TUBGCP3: variants seen among roughly 807,000 people sequenced by gnomAD.
TUBGCP3 encodes gamma-tubulin complex component 3.
Under a neutral mutation model 123.1 loss-of-function variants are expected in TUBGCP3, and 50 were observed. The observed-to-expected ratio is 0.41, with a 90% CI of 0.32 to 0.51. TUBGCP3 has a LOEUF of 0.51. Ranked by LOEUF, TUBGCP3 falls within the 20% of genes least tolerant of loss-of-function variation. The pLI is 0.36. For synonymous variants in TUBGCP3, 405 were observed against 413.9 expected, an observed-to-expected ratio of 0.98 and a Z score of 0.26; for missense variants, 882 against 1,127.0, an observed-to-expected ratio of 0.78 and a Z score of 3.11.
At chr13:112,512,706 G>A (rs1018969949) in intron 17 of TUBGCP3, among the ~76,000 whole-genome samples, 19 of 152,252 alleles carry the variant, frequency 1.2e-4, no homozygotes, top group African/African-American at 4.6e-4. Flanking sequence ...TTGCACTCCA[G>A]CCTGGGTGAC....
intron 19 of TUBGCP3, among the ~76,000 whole-genome samples, chr13:112,502,111 C>T (rs547021297): frequency 3.9e-5 from 6 of 152,246 alleles, no homozygotes; most frequent in African/African-American, 9.6e-5. Flanking sequence ...ACACACACAC[C>T]GGCACAAAAT....
chr13:112,504,210 T>A (rs748289014), intron 18 of TUBGCP3, 47 bp from the exon 19 acceptor site: 104 of 1,612,016 alleles, frequency 6.5e-5, no homozygotes, highest in Non-Finnish European at 8.6e-5. Context: ...ATGTCCTTCC[T>A]AGTGTAGCAT....
rs185419793 is a variant in TUBGCP3 at position 112,565,792 on chromosome 13, G to A, written c.185-614C>T. ...TACTAAAAAATACAAAAAATTAGCT[G>A]GGTGTGTTAGCGGGCACCTGTAGTC... On this transcript the variant is annotated intron_variant, in intron 2 of 21. Coordinates refer to ENST00000261965, the MANE Select transcript of TUBGCP3 (RefSeq NM_006322.6). Among the ~76,000 whole-genome samples the A allele has an allele frequency of 2.2e-3, 337 of 152,248 alleles. 2 individuals carry two copies. The highest frequency in any genetic ancestry group is 7.7e-3 in the African/African-American group (321 of 41,550).
intron 1 of TUBGCP3, among the ~76,000 whole-genome samples, chr13:112,579,059 T>TCA (rs1882080402): frequency 6.6e-6 from 1 of 152,004 alleles, no homozygotes; most frequent in Admixed American, 6.6e-5. Flanking sequence ...AAGACACTGT[T>TCA]AAGAGAATGA....
intron 21 of TUBGCP3, among the ~76,000 whole-genome samples, chr13:112,486,741 G>C (rs1056393176): frequency 1.3e-5 from 2 of 152,206 alleles, no homozygotes; most frequent in African/African-American, 4.8e-5. Context: ...GAAAGGACTG[G>C]CTGCTTCTAT....
chr13:112,591,185 G>C (rs150863149), upstream of TUBGCP3, among the ~76,000 whole-genome samples: 74 of 152,280 alleles, frequency 4.9e-4, no homozygotes, highest in African/African-American at 1.8e-3. Flanking sequence ...ACCAACCCTT[G>C]TGCCACTAAG....
In TUBGCP3 at chr13:112,545,161, T is replaced by C. The variant is rs2139167162; in HGVS notation, c.1335+538A>G. ...AACTTTTGTTAGATTCCTGTCTTAC[T>C]GACAAAGGTTTTGAGTGTGGTGCCC... On this transcript the variant is annotated intron_variant, in intron 11 of 21. Coordinates refer to ENST00000261965, the MANE Select transcript of TUBGCP3 (RefSeq NM_006322.6). This position sits in a 1 kb window ranked among gnomAD's most constrained non-coding sequence, Gnocchi z 4.1. The C allele has an allele frequency of 6.5e-6, 1 of 153,936 alleles. No homozygotes were observed. The highest frequency in any genetic ancestry group is 2.0e-4 in the South Asian group (1 of 4,896). The allele number at this position is 153,936 out of a possible 1,614,324, so 9.5% of individuals were successfully genotyped here. A position where few individuals can be genotyped will look rare whatever the true frequency, so the allele number is the denominator to read the frequency against.
At position 112,517,291 on chromosome 13, in the gene TUBGCP3, A is replaced by C. The variant is rs1222463683; in HGVS notation, c.1951-716T>G. ...CCTTTTTTAAATAAATCTATGATAT[A>C]AACTTTTTTCCTCGAGTCCTTCTAC... is the stretch of plus-strand genomic sequence containing the variant. On this transcript the variant is annotated intron_variant, in intron 16 of 21. Transcript: ENST00000261965. Among the ~76,000 whole-genome samples, 4 of 152,030 alleles carry C rather than the reference A, an allele frequency of 2.6e-5. No homozygotes were observed. The East Asian group carries it at 7.7e-4, about 29-fold the overall frequency.
At chr13:112,495,592 T>G (rs1252142360) in intron 20 of TUBGCP3, among the ~76,000 whole-genome samples, 3 of 152,224 alleles carry the variant, frequency 2.0e-5, no homozygotes, top group African/African-American at 7.2e-5. Context: ...GTTCTATTCT[T>G]GGAATAAGCT....
intron 1 of TUBGCP3, among the ~76,000 whole-genome samples, chr13:112,574,423 C>T (rs560607982): frequency 6.6e-6 from 1 of 152,106 alleles, no homozygotes; most frequent in Admixed American, 6.5e-5. Context: ...CAAGTGGGCA[C>T]TCTGAGCTCA....
chr13:112,548,249 TA>T, intron 8 of TUBGCP3, 73 bp from the exon 9 acceptor site: 1 of 1,225,844 alleles, frequency 8.2e-7, no homozygotes, highest in Admixed American at 2.0e-5. Context: ...TGGAAAGGTA[TA>T]ATGCGTTTAG....
chr13:112,591,719 C>A (rs9550159), upstream of TUBGCP3, among the ~76,000 whole-genome samples: 22,992 of 152,230 alleles, frequency 0.15, 2,024 homozygotes, highest in East Asian at 0.21. Context: ...GGCAAGTGTG[C>A]ATCACTGGCC....
chr13:112,533,832 T>C (rs1388597146), intron 11 of TUBGCP3, among the ~76,000 whole-genome samples: 2 of 148,960 alleles, frequency 1.3e-5, no homozygotes, highest in Non-Finnish European at 3.0e-5. Flanking sequence ...TCTATTTCCA[T>C]AGGTTTTGGG....
At chr13:112,581,377 C>A (rs542693724) in intron 1 of TUBGCP3, among the ~76,000 whole-genome samples, 1 of 152,020 alleles carries the variant, frequency 6.6e-6, no homozygotes, top group Non-Finnish European at 1.5e-5. Flanking sequence ...TTTTACACTG[C>A]GTATATATTA....
chr13:112,560,485 A>G (rs1880425904), intron 3 of TUBGCP3, among the ~76,000 whole-genome samples: 1 of 152,192 alleles, frequency 6.6e-6, no homozygotes, highest in South Asian at 2.1e-4. Flanking sequence ...ACCAACCCAC[A>G]GGTTTCTATG....
chr13:112,538,143 G>T (rs941480010), intron 11 of TUBGCP3, among the ~76,000 whole-genome samples: 1 of 152,124 alleles, frequency 6.6e-6, no homozygotes, highest in Non-Finnish European at 1.5e-5. Context: ...TGGTTATATA[G>T]GTTGAGTATC....
At position 112,531,843 on chromosome 13, in the gene TUBGCP3, T is replaced by C. The variant is rs182038513; in HGVS notation, c.1336-4359A>G. On this transcript the variant is annotated intron_variant, in intron 11 of 21. Coordinates refer to ENST00000261965, the MANE Select transcript of TUBGCP3 (RefSeq NM_006322.6). Reference sequence around the variant, plus strand: ...GAAAAAAACCAAGGTCAGAATATAATTGCGATACGCTTTTATTTTACTAAG... The same window carrying C: ...GAAAAAAACCAAGGTCAGAATATAACTGCGATACGCTTTTATTTTACTAAG... Among the ~76,000 whole-genome samples the C allele has an allele frequency of 3.3e-3, 503 of 152,268 alleles. 1 individual carries two copies. The highest frequency in any genetic ancestry group is 3.7e-3 in the South Asian group (18 of 4,826).
chr13:112,497,160 CTG>C (rs1192919015), intron 20 of TUBGCP3, among the ~76,000 whole-genome samples: 1 of 152,132 alleles, frequency 6.6e-6, no homozygotes, highest in Non-Finnish European at 1.5e-5. Flanking sequence ...ATAAGTGACT[CTG>C]TGAGGTCATA....
At chr13:112,557,744 T>A (rs1382753641) in intron 5 of TUBGCP3, among the ~76,000 whole-genome samples, 1 of 152,236 alleles carries the variant, frequency 6.6e-6, no homozygotes, top group Non-Finnish European at 1.5e-5. Flanking sequence ...CACTAAAATG[T>A]CACGATCCTT....
Sources: allele counts gnomAD v4.1 joint callset (sites outside exome capture counted in the v4.1 genomes callset), GRCh38; gene constraint gnomAD v4.1.1; non-coding constraint Gnocchi (gnomAD v3.1); transcripts MANE v1.5; gene names NCBI Gene and HGNC (gene_info 2026-07-23, HGNC 2026-07-21).